The following SULF1 variants were observed in gnomAD, a reference collection of about 807,000 sequenced individuals.
SULF1 encodes the protein sulfatase 1.
Under a neutral mutation model 110.5 loss-of-function variants are expected in SULF1, and 46 were observed. That is an observed-to-expected ratio of 0.42 (90% CI 0.33 to 0.53). SULF1 has a LOEUF of 0.53. Among genes scored for constraint, SULF1 ranks in the 20% least tolerant of loss-of-function variants. The probability of loss-of-function intolerance (pLI) is 0.12; values close to 1 mark genes in which losing one functional copy is unlikely to be tolerated. For synonymous variants in SULF1, 371 were observed against 387.1 expected (o/e 0.96, Z 0.49); for missense variants, 941 against 1,094.2 (o/e 0.86, Z 1.98).
chr8:69,577,873 T>A (rs1003362138), intron 6 of SULF1, among the ~76,000 whole-genome samples: 2 of 152,184 alleles, frequency 1.3e-5, no homozygotes, highest in Non-Finnish European at 1.5e-5. Context: ...CCTCTGTTCA[T>A]TGTCTTATTT....
At chr8:69,566,651 G>T (rs11991491) in intron 5 of SULF1, among the ~76,000 whole-genome samples, 33,738 of 152,006 alleles carry the variant, frequency 0.22, 3,927 homozygotes, top group African/African-American at 0.29. Flanking sequence ...AGGAGTTCAA[G>T]ACCAGCCTGG....
chr8:69,604,332 C>T (rs1176822020), intron 12 of SULF1, among the ~76,000 whole-genome samples: 2 of 152,172 alleles, frequency 1.3e-5, no homozygotes, highest in Admixed American at 1.3e-4. Context: ...CACCCTTCTT[C>T]CTACTTCCTA....
At chr8:69,536,154 G>A (rs981929020) in intron 3 of SULF1, among the ~76,000 whole-genome samples, 4 of 152,122 alleles carry the variant, frequency 2.6e-5, no homozygotes, top group African/African-American at 9.7e-5. Context: ...ACGCTCAGGT[G>A]TTTTGCGCAG....
chr8:69,611,390 A>C (rs1808642490), intron 13 of SULF1, among the ~76,000 whole-genome samples: 1 of 152,088 alleles, frequency 6.6e-6, no homozygotes, highest in Non-Finnish European at 1.5e-5. Flanking sequence ...AACAGGTAAC[A>C]TTTCTCTCTC....
chr8:69,484,664 T>G (rs1809625599), intron 1 of SULF1, among the ~76,000 whole-genome samples: 1 of 152,198 alleles, frequency 6.6e-6, no homozygotes, highest in African/African-American at 2.4e-5. Context: ...ATAGTCTGCA[T>G]GACAAAAAGT....
chr8:69,475,897 A>T (rs753935199), intron 1 of SULF1, among the ~76,000 whole-genome samples: 96 of 151,978 alleles, frequency 6.3e-4, no homozygotes, highest in African/African-American at 1.8e-3. Context: ...CCTTAGATTT[A>T]AAAAAAAATT....
At chr8:69,484,326 T>C (rs1445817183) in intron 1 of SULF1, among the ~76,000 whole-genome samples, 1 of 152,208 alleles carries the variant, frequency 6.6e-6, no homozygotes, top group East Asian at 1.9e-4. Flanking sequence ...CTTATCTGCA[T>C]CAACAGCAGC....
Position 69,528,253 on chromosome 8 carries a change from G to A in SULF1, c.-134+26285G>A, listed in dbSNP as rs570440290. Among the ~76,000 whole-genome samples, 16 of 152,256 alleles carry A rather than the reference G, an allele frequency of 1.1e-4. No individual in the cohort carries two copies. In the South Asian group the frequency reaches 3.1e-3, roughly 30 times the overall value. On this transcript the variant is annotated intron_variant, in intron 3 of 22. Coordinates refer to ENST00000402687, the MANE Select transcript of SULF1 (RefSeq NM_001128205.2). ...ACCACTGAATTCAAATAGAACGGTAGAGGGTATAAATATGCTAATATTCTG... is the reference window on the plus strand; with the variant it reads ...ACCACTGAATTCAAATAGAACGGTAAAGGGTATAAATATGCTAATATTCTG...
At chr8:69,555,094 A>AT (rs1304557514) in intron 3 of SULF1, among the ~76,000 whole-genome samples, 5 of 149,398 alleles carry the variant, frequency 3.3e-5, no homozygotes, top group African/African-American at 5.0e-5. Flanking sequence ...AGGATATTTG[A>AT]TTTTTTTAAG....
At chr8:69,657,618 T>C (rs1440512257) in intron 22 of SULF1, among the ~76,000 whole-genome samples, 2 of 152,180 alleles carry the variant, frequency 1.3e-5, no homozygotes, top group Non-Finnish European at 2.9e-5. Context: ...TCAACGTTTT[T>C]TATCTACACG....
At chr8:69,577,698 G>A (rs927790150) in intron 6 of SULF1, among the ~76,000 whole-genome samples, 5 of 152,224 alleles carry the variant, frequency 3.3e-5, no homozygotes, top group Admixed American at 2.0e-4. Flanking sequence ...AGAAAGAAGG[G>A]AACTCCATTT....
intron 22 of SULF1, among the ~76,000 whole-genome samples, chr8:69,656,744 C>A (rs1478729984): frequency 6.6e-6 from 1 of 152,158 alleles, no homozygotes; most frequent in Non-Finnish European, 1.5e-5. Flanking sequence ...TGGTTTGATT[C>A]CATGTCTTTG....
At chr8:69,553,181 A>C (rs1455480040) in intron 3 of SULF1, among the ~76,000 whole-genome samples, 1 of 152,218 alleles carries the variant, frequency 6.6e-6, no homozygotes, top group African/African-American at 2.4e-5. Context: ...CAAGGAGAAA[A>C]AGCAGAAAGC....
chr8:69,550,289 A>G (rs998108697), intron 3 of SULF1, among the ~76,000 whole-genome samples: 5 of 152,066 alleles, frequency 3.3e-5, no homozygotes, highest in Non-Finnish European at 7.4e-5. Context: ...AGAAAAAAAA[A>G]TGAGTGAAAA....
chr8:69,527,663 C>T (rs1563499320), intron 3 of SULF1, among the ~76,000 whole-genome samples: 2 of 152,068 alleles, frequency 1.3e-5, no homozygotes, highest in Admixed American at 6.6e-5. Context: ...ATATAGAGGA[C>T]AGATAGATAG....
intron 1 of SULF1, among the ~76,000 whole-genome samples, chr8:69,481,714 G>A (rs1425653449): frequency 6.6e-6 from 1 of 152,130 alleles, no homozygotes; most frequent in Non-Finnish European, 1.5e-5. Flanking sequence ...AGAACATGCG[G>A]TATTTGGTTT....
chr8:69,523,655 G>T (rs1000067588), intron 3 of SULF1, among the ~76,000 whole-genome samples: 2 of 152,062 alleles, frequency 1.3e-5, no homozygotes, highest in African/African-American at 4.8e-5. Flanking sequence ...AAGGACTGAT[G>T]ATAATGACTG....
intron 13 of SULF1, among the ~76,000 whole-genome samples, chr8:69,619,939 T>C (rs1308429443): frequency 1.3e-5 from 2 of 152,208 alleles, no homozygotes; most frequent in Non-Finnish European, 2.9e-5. Flanking sequence ...ATGGACCCTC[T>C]GCCTTTTGAC....
chr8:69,518,311 G>C (rs1003226922), intron 3 of SULF1, among the ~76,000 whole-genome samples: 1 of 151,910 alleles, frequency 6.6e-6, no homozygotes, highest in Non-Finnish European at 1.5e-5. Flanking sequence ...TAATATGCTC[G>C]AGCATATTTG....
Sources: gnomAD v4.1 joint callset for allele counts (sites outside exome capture counted in the v4.1 genomes callset) on GRCh38, gnomAD v4.1.1 for gene constraint, MANE v1.5 for transcripts, NCBI Gene and HGNC (gene_info 2026-07-23, HGNC 2026-07-21) for gene names.